XKR6: variants seen among roughly 807,000 people sequenced by gnomAD.
XKR6 encodes XK related 6, also known as XK-related protein 6.
Under a neutral mutation model 56.7 loss-of-function variants are expected in XKR6, and 22 were observed. That is an observed-to-expected ratio of 0.39 (90% CI 0.28 to 0.55). The LOEUF (loss-of-function observed/expected upper bound fraction) is 0.55. Among genes scored for constraint, XKR6 ranks in the 20% least tolerant of loss-of-function variants. XKR6 has a pLI of 0.66. For synonymous variants in XKR6, 524 were observed against 387.8 expected (o/e 1.35, Z -4.13); for missense variants, 852 against 889.0 (o/e 0.96, Z 0.53).
chr8:10,974,936 G>C (rs1009400638), intron 1 of XKR6, among the ~76,000 whole-genome samples: 1 of 152,200 alleles, frequency 6.6e-6, no homozygotes, highest in Non-Finnish European at 1.5e-5. Flanking sequence ...CCATTGAATT[G>C]TACACTTACA....
At chr8:11,057,893 G>A (rs997609876) in intron 1 of XKR6, among the ~76,000 whole-genome samples, 1 of 152,168 alleles carries the variant, frequency 6.6e-6, no homozygotes, top group African/African-American at 2.4e-5. Context: ...AGCACCTGCC[G>A]CATCTGACAG....
At chr8:11,035,606 G>T (rs1012456582) in intron 1 of XKR6, among the ~76,000 whole-genome samples, 3 of 152,222 alleles carry the variant, frequency 2.0e-5, no homozygotes, top group Non-Finnish European at 4.4e-5. Context: ...TCTCGCTGAA[G>T]AATTTGGAGA....
intron 1 of XKR6, chr8:11,109,164 G>GT (rs1390603569): frequency 6.6e-6 from 1 of 152,142 alleles, no homozygotes; most frequent in African/African-American, 2.4e-5. Flanking sequence ...GAATAAAAGT[G>GT]TAAGGTTTTC....
At chr8:11,053,851 A>T (rs1012274197) in intron 1 of XKR6, among the ~76,000 whole-genome samples, 1 of 152,184 alleles carries the variant, frequency 6.6e-6, no homozygotes, top group Admixed American at 6.5e-5. Context: ...AGAAGGCGAG[A>T]TATTACCTAG....
intron 1 of XKR6, among the ~76,000 whole-genome samples, chr8:11,083,236 G>T (rs975575099): frequency 6.6e-5 from 10 of 152,146 alleles, no homozygotes; most frequent in African/African-American, 2.4e-4. Flanking sequence ...TCACCTAGTC[G>T]CACCACTTGG....
At chr8:11,064,161 A>G (rs998964643) in intron 1 of XKR6, among the ~76,000 whole-genome samples, 1 of 152,050 alleles carries the variant, frequency 6.6e-6, no homozygotes, top group African/African-American at 2.4e-5. Context: ...TTCTTTCCCA[A>G]TAAATGGTTT....
At chr8:11,066,229 C>T (rs1799974512) in intron 1 of XKR6, among the ~76,000 whole-genome samples, 1 of 152,254 alleles carries the variant, frequency 6.6e-6, no homozygotes, top group African/African-American at 2.4e-5. Flanking sequence ...ACAACCTTCT[C>T]ACCCCCTCTC....
chr8:11,051,823 A>T (rs1431520298), intron 1 of XKR6, among the ~76,000 whole-genome samples: 1 of 152,188 alleles, frequency 6.6e-6, no homozygotes, highest in Non-Finnish European at 1.5e-5. Context: ...TTCTTCTAAA[A>T]AAAAGCAAAA....
At chr8:11,142,435 T>C (rs115432876) in intron 1 of XKR6, among the ~76,000 whole-genome samples, 258 of 152,292 alleles carry the variant, frequency 1.7e-3, no homozygotes, top group African/African-American at 6.0e-3. Context: ...CCTCCAAATC[T>C]CATGTTGAAA....
intron 1 of XKR6, among the ~76,000 whole-genome samples, chr8:10,928,813 T>C (rs1800975554): frequency 6.6e-6 from 1 of 152,206 alleles, no homozygotes; most frequent in South Asian, 2.1e-4. Context: ...TCCAGAAAGC[T>C]TACCGCACCG....
In XKR6 at chr8:11,036,455, C is replaced by T. The variant is rs116243746; in HGVS notation, c.765-111625G>A. Among the ~76,000 whole-genome samples, 1,067 of 152,282 alleles carry T rather than the reference C, an allele frequency of 7.0e-3. 12 individuals carry two copies. The highest frequency in any genetic ancestry group is 0.023 in the African/African-American group (947 of 41,550). ...AACCGTTGAATGTGAATCTTGCTAC[C>T]GGCAGCATCAGCATCAATGGGAGCT... On this transcript the variant is annotated intron_variant, in intron 1 of 2. Coordinates refer to ENST00000416569, the MANE Select transcript of XKR6 (RefSeq NM_173683.4).
At chr8:11,168,101 G>C (rs1285700533) in intron 1 of XKR6, among the ~76,000 whole-genome samples, 3 of 152,018 alleles carry the variant, frequency 2.0e-5, no homozygotes, top group South Asian at 2.1e-4. Context: ...GATTTCCAGA[G>C]ACACAACACT....
At position 10,898,546 on chromosome 8, in the gene XKR6, T is replaced by C. The variant is rs746504016; in HGVS notation, c.1332A>G (p.Ala444=). Residue 444 remains alanine (A), a synonymous_variant, in exon 3 of 3, where the codon GCA becomes GCG. Transcript: ENST00000416569. This position sits in a 1 kb window ranked among gnomAD's most constrained non-coding sequence, Gnocchi z 6.6. ...TCTCGGTCAAGACTATCGTATAATA[T>C]GCAAACATTCGATATCGAGTCCGCC... ...KEGRTRYRMF[A]YYTIVLTENA... is the part of the protein sequence containing the mutation. The C allele has an allele frequency of 2.4e-5, 39 of 1,614,140 alleles. No individual in the cohort carries two copies. Among genetic ancestry groups the C allele is most frequent in the Non-Finnish European group, 3.2e-5 (38 of 1,180,020 alleles).
chr8:11,009,878 A>G (rs935967894), intron 1 of XKR6, among the ~76,000 whole-genome samples: 2 of 152,262 alleles, frequency 1.3e-5, no homozygotes, highest in African/African-American at 4.8e-5. Flanking sequence ...AATGGTATGG[A>G]GTGTAGGGGA....
At chr8:11,150,600 C>A (rs1036023362) in intron 1 of XKR6, among the ~76,000 whole-genome samples, 4 of 152,086 alleles carry the variant, frequency 2.6e-5, no homozygotes, top group African/African-American at 9.7e-5. Context: ...TACTTATAAT[C>A]CCAGCACTTC....
intron 1 of XKR6, among the ~76,000 whole-genome samples, chr8:10,999,887 A>G (rs1179973580): frequency 6.6e-6 from 1 of 152,228 alleles, no homozygotes; most frequent in African/African-American, 2.4e-5. Context: ...GTTAAGACCA[A>G]CTAGGAGAGC....
intron 1 of XKR6, 57 bp from the exon 2 acceptor site, chr8:10,924,887 G>A (rs1452303296): frequency 2.1e-5 from 32 of 1,544,386 alleles, no homozygotes; most frequent in African/African-American, 4.1e-5. Flanking sequence ...GGGCTCCAGA[G>A]GACCCTTGCC....
intron 1 of XKR6, among the ~76,000 whole-genome samples, chr8:11,191,020 T>A (rs890190573): frequency 1.3e-5 from 2 of 152,218 alleles, no homozygotes; most frequent in African/African-American, 4.8e-5. Flanking sequence ...TCAAGTTTAC[T>A]GCAAGTATCA....
At chr8:11,159,066 T>C (rs1801665823) in intron 1 of XKR6, among the ~76,000 whole-genome samples, 1 of 152,210 alleles carries the variant, frequency 6.6e-6, no homozygotes, top group Non-Finnish European at 1.5e-5. Flanking sequence ...ATTACTTACC[T>C]TCTTTAAGCC....
Sources: allele counts gnomAD v4.1 joint callset (sites outside exome capture counted in the v4.1 genomes callset), GRCh38; gene constraint gnomAD v4.1.1; non-coding constraint Gnocchi (gnomAD v3.1); transcripts MANE v1.5; gene names NCBI Gene and HGNC (gene_info 2026-07-23, HGNC 2026-07-21).